The following CAMTA1 variants were observed in gnomAD, a reference collection of about 807,000 sequenced individuals.
The protein encoded by CAMTA1 is calmodulin-binding transcription activator 1.
CAMTA1 carries 27 observed loss-of-function variants against 170.9 expected under a neutral mutation model. The observed-to-expected ratio is 0.16, with a 90% CI of 0.12 to 0.22. CAMTA1 has a LOEUF of 0.22. Ranked by LOEUF, CAMTA1 falls within the 10% of genes least tolerant of loss-of-function variation. CAMTA1 has a pLI of 1.00. For synonymous variants in CAMTA1, 833 were observed against 891.5 expected (o/e 0.93, Z 1.17); for missense variants, 1,619 against 2,217.2 (o/e 0.73, Z 5.42).
rs549707623 is a variant in CAMTA1, at chr1:7,283,472, C to T, written c.438+33846C>T. 2.0e-5 allele frequency among the ~76,000 whole-genome samples: 3 copies of T among 152,306 alleles called. 1 individual carries two copies. The South Asian group carries it at 6.2e-4, about 32-fold the overall frequency. ...GACTCACACTGCTCTATTTCTGTCC[C>T]AGTCCTCTTCTCTGGGCTCCAGATA... On this transcript the variant is annotated intron_variant, in intron 5 of 22. Coordinates refer to ENST00000303635, the MANE Select transcript of CAMTA1 (RefSeq NM_015215.4).
At chr1:7,380,803 C>T (rs534104917) in intron 5 of CAMTA1, among the ~76,000 whole-genome samples, 10 of 152,338 alleles carry the variant, frequency 6.6e-5, no homozygotes, top group African/African-American at 1.7e-4. Flanking sequence ...ACTACCTTGC[C>T]TGGTCCACCC....
chr1:7,235,207 C>T (rs1290728901), intron 4 of CAMTA1, among the ~76,000 whole-genome samples: 6 of 152,180 alleles, frequency 3.9e-5, no homozygotes, highest in Non-Finnish European at 7.3e-5. Context: ...TGTCCCGACC[C>T]GCCAGGTTCT....
chr1:7,574,490 G>A (rs1038286873), intron 6 of CAMTA1, among the ~76,000 whole-genome samples: 2 of 152,192 alleles, frequency 1.3e-5, no homozygotes, highest in Non-Finnish European at 2.9e-5. Flanking sequence ...TAAATTACCT[G>A]AGGGGCTGAC....
Position 7,293,845 on chromosome 1 carries a change from C to T in CAMTA1, c.438+44219C>T, listed in dbSNP as rs1356997477. Among the ~76,000 whole-genome samples, 1 of 152,234 alleles carries T rather than the reference C, an allele frequency of 6.6e-6. No individual in the cohort carries two copies. The highest frequency in any genetic ancestry group is 1.5e-5 in the Non-Finnish European group (1 of 68,048). ...CGCTTTTCTCTGAAAACTCGGCATG[C>T]CCCGGGGGGCCTCTTTGGAGCCTGT... On this transcript the variant is annotated intron_variant, in intron 5 of 22. Transcript: ENST00000303635. This position sits in a 1 kb window ranked among gnomAD's most constrained non-coding sequence, Gnocchi z 4.1.
chr1:6,943,310 C>T (rs1421179630), intron 3 of CAMTA1, among the ~76,000 whole-genome samples: 1 of 152,020 alleles, frequency 6.6e-6, no homozygotes, highest in Non-Finnish European at 1.5e-5. Context: ...CTGTGGTCCC[C>T]TTGTCTCCCA....
At position 7,366,441 on chromosome 1, in the gene CAMTA1, G is replaced by A. The variant is rs117282575; in HGVS notation, c.439-101389G>A. Among the ~76,000 whole-genome samples, 3 of 152,354 alleles carry A rather than the reference G, an allele frequency of 2.0e-5. No individual in the cohort carries two copies. In the East Asian group the frequency reaches 5.8e-4, roughly 29 times the overall value. ...GGAGAAAGCTCAGAATAGCTGTGTGGCCCCATGCTGATGCTGGGTGAGTGT... is the reference window on the plus strand; with the variant it reads ...GGAGAAAGCTCAGAATAGCTGTGTGACCCCATGCTGATGCTGGGTGAGTGT... On this transcript the variant is annotated intron_variant, in intron 5 of 22. Coordinates refer to ENST00000303635, the MANE Select transcript of CAMTA1 (RefSeq NM_015215.4).
chr1:6,786,210 C>G (rs935277276), intron 1 of CAMTA1, among the ~76,000 whole-genome samples: 1 of 151,974 alleles, frequency 6.6e-6, no homozygotes, highest in African/African-American at 2.4e-5. Flanking sequence ...CCCGTCCTGC[C>G]GAGCGTCCCT....
chr1:6,798,022 G>A (rs976923555), intron 1 of CAMTA1, among the ~76,000 whole-genome samples: 83 of 143,446 alleles, frequency 5.8e-4, no homozygotes, highest in African/African-American at 2.1e-3. Context: ...TTGAGACAAA[G>A]TCTTGCTCTT....
chr1:7,408,487 C>G (rs1007482539), intron 5 of CAMTA1, among the ~76,000 whole-genome samples: 2 of 152,214 alleles, frequency 1.3e-5, no homozygotes, highest in African/African-American at 2.4e-5. Flanking sequence ...TCAGCTGTCT[C>G]TATGTCCTGA....
At position 7,307,742 on chromosome 1, in the gene CAMTA1, C is replaced by G. The variant is rs528350775; in HGVS notation, c.438+58116C>G. Among the ~76,000 whole-genome samples the G allele has an allele frequency of 1.4e-4, 22 of 151,934 alleles. No homozygotes were observed. In the South Asian group the frequency reaches 4.4e-3, roughly 30 times the overall value. On this transcript the variant is annotated intron_variant, in intron 5 of 22. Transcript: ENST00000303635. ...GTATATTCTTCTTTTATATGTTGCT[C>G]AATTTTATTTTCTAATATTCTGTTG...
chr1:7,401,463 T>C (rs2089900604), intron 5 of CAMTA1, among the ~76,000 whole-genome samples: 1 of 152,238 alleles, frequency 6.6e-6, no homozygotes, highest in South Asian at 2.1e-4. Flanking sequence ...AAAATTGCTT[T>C]GGAAATTCTG....
intron 3 of CAMTA1, among the ~76,000 whole-genome samples, chr1:6,840,670 C>A (rs573964781): frequency 6.6e-6 from 1 of 152,134 alleles, no homozygotes; most frequent in Admixed American, 6.5e-5. Flanking sequence ...ATTGGAGAGC[C>A]GTCAATGCGC....
intron 4 of CAMTA1, among the ~76,000 whole-genome samples, chr1:7,095,371 G>A (rs1370087494): frequency 6.6e-6 from 1 of 152,154 alleles, no homozygotes; most frequent in Non-Finnish European, 1.5e-5. Context: ...AGTTTTTCGG[G>A]TATTTCTAGT....
intron 6 of CAMTA1, among the ~76,000 whole-genome samples, chr1:7,540,641 T>C (rs2094599257): frequency 6.6e-6 from 1 of 152,200 alleles, no homozygotes; most frequent in South Asian, 2.1e-4. Flanking sequence ...CCCACCTCTG[T>C]GTCTCAGGGA....
rs1383523411 is a variant in CAMTA1 at position 7,189,301 on chromosome 1, A to G, written c.303-60190A>G. On this transcript the variant is annotated intron_variant, in intron 4 of 22. Transcript: ENST00000303635. ...ATGCAGCAATGAACAAGAATGAGCTATATCTGTAAGTGCTGGCATTGAGTG... is the reference window on the plus strand; with the variant it reads ...ATGCAGCAATGAACAAGAATGAGCTGTATCTGTAAGTGCTGGCATTGAGTG... 2.0e-5 allele frequency among the ~76,000 whole-genome samples: 3 copies of G among 152,228 alleles called. No individual in the cohort carries two copies. The East Asian group carries it at 5.8e-4, about 29-fold the overall frequency.
At chr1:7,636,460 T>C (rs2095712952) in intron 6 of CAMTA1, among the ~76,000 whole-genome samples, 1 of 152,176 alleles carries the variant, frequency 6.6e-6, no homozygotes, top group Non-Finnish European at 1.5e-5. Context: ...CTCACGCCTG[T>C]AATCCCAGCA....
In CAMTA1 at chr1:7,216,154, G is replaced by A. The variant is rs546231994; in HGVS notation, c.303-33337G>A. On this transcript the variant is annotated intron_variant, in intron 4 of 22. Transcript: ENST00000303635. The surrounding 1 kb of genome is among the most constrained non-coding windows in gnomAD (Gnocchi z 4.0). ...CTGCGTGGCTGGAGCAGGAGGAAGAGGGTGAAGGGGGAGGTCCTGCACTCT... is the reference window on the plus strand; with the variant it reads ...CTGCGTGGCTGGAGCAGGAGGAAGAAGGTGAAGGGGGAGGTCCTGCACTCT... Among the ~76,000 whole-genome samples the A allele has an allele frequency of 1.3e-5, 2 of 152,310 alleles. No individual in the cohort carries two copies. Among genetic ancestry groups the A allele is most frequent in the South Asian group, 4.2e-4 (2 of 4,812 alleles).
Position 7,730,374 on chromosome 1 carries a change from C to T in CAMTA1, c.2915-2074C>T, listed in dbSNP as rs547112024. ...CTCCCTGAAAGCCCTGCCTCAGGGCCTTCGCATGTGCTATTACCAGGCCTC... is the reference window on the plus strand; with the variant it reads ...CTCCCTGAAAGCCCTGCCTCAGGGCTTTCGCATGTGCTATTACCAGGCCTC... On this transcript the variant is annotated intron_variant, in intron 11 of 22. Transcript: ENST00000303635. Among the ~76,000 whole-genome samples the T allele has an allele frequency of 2.6e-5, 4 of 152,286 alleles. No individual in the cohort carries two copies. In the East Asian group the frequency reaches 7.7e-4, roughly 29 times the overall value.
chr1:6,790,061 ACCTCAGCCTCCCTTG>A (rs1553143614), intron 1 of CAMTA1, among the ~76,000 whole-genome samples: 2 of 150,834 alleles, frequency 1.3e-5, no homozygotes, highest in Non-Finnish European at 3.0e-5. Context: ...TGATCCGCCT[ACCTCAGCCTCCCTTG>A]CCTCAGCCTC....
Sources: gnomAD v4.1 joint callset for allele counts (sites outside exome capture counted in the v4.1 genomes callset) on GRCh38, gnomAD v4.1.1 for gene constraint, Gnocchi (gnomAD v3.1) non-coding constraint, MANE v1.5 for transcripts, NCBI Gene and HGNC (gene_info 2026-07-23, HGNC 2026-07-21) for gene names.